ATAD3B: variants seen among roughly 807,000 people sequenced by gnomAD.
ATAD3B encodes ATPase family AAA domain-containing protein 3B.
Under a neutral mutation model 70.2 loss-of-function variants are expected in ATAD3B, and 59 were observed. That is an observed-to-expected ratio of 0.84 (90% CI 0.68 to 1.04). ATAD3B has a LOEUF of 1.04. Among genes scored for constraint, ATAD3B ranks in the 50% least tolerant of loss-of-function variants. The pLI is 0.00. For missense variants in ATAD3B, 961 were observed against 913.4 expected (o/e 1.05, Z -0.67); for synonymous variants, 423 against 388.6 (o/e 1.09, Z -1.04).
At position 1,486,524 on chromosome 1, in the gene ATAD3B, C is replaced by T; in HGVS notation, c.1090-20C>T. On this transcript the variant is annotated intron_variant, in intron 10 of 15. Coordinates refer to ENST00000673477, the MANE Select transcript of ATAD3B (RefSeq NM_031921.6). ...GCAGAGGGAACATCTGTTCTGTCTC[C>T]CCTCACTCTTCTTGTCCAGAAACTC... The T allele has an allele frequency of 1.9e-6, 3 of 1,611,846 alleles. No individual in the cohort carries two copies. The highest frequency in any genetic ancestry group is 2.2e-5 in the South Asian group (2 of 91,020).
In ATAD3B at chr1:1,482,257, C is replaced by T. The variant is rs368728418; in HGVS notation, c.634C>T (p.Arg212Cys). ...ENADIIREQI[R>C]LKASEHRQTV... ...TGCAGACATCATCCGCGAGCAGATCCGCCTGAAGGCGTCCGAGCACCGTCA... is the reference window on the plus strand; with the variant it reads ...TGCAGACATCATCCGCGAGCAGATCTGCCTGAAGGCGTCCGAGCACCGTCA... Residue 212 changes from arginine (R) to cysteine (C), a missense_variant, in exon 6 of 16, where the codon CGC (arginine) becomes TGC (cysteine). Physicochemically the swap from Arg to Cys is radical, Grantham distance 180 (BLOSUM62 -3). Transcript: ENST00000673477. 46 of 1,611,124 alleles carry T rather than the reference C, an allele frequency of 2.9e-5. 2 individuals are homozygous for T. Among genetic ancestry groups the T allele is most frequent in the Admixed American group, 8.3e-5 (5 of 59,916 alleles).
chr1:1,502,595 TCC>T (rs1640969356), downstream of ATAD3B, among the ~76,000 whole-genome samples: 1 of 139,654 alleles, frequency 7.2e-6, no homozygotes, highest in Non-Finnish European at 1.5e-5. Context: ...CACTGCAACC[TCC>T]GCCTCCCGGG....
chr1:1,506,744 C>T, the ATAD3B span, among the ~76,000 whole-genome samples: 29 of 150,036 alleles, frequency 1.9e-4, no homozygotes, highest in Admixed American at 1.5e-3. Context: ...GCTGATGTCA[C>T]GGGGTTGTTT....
At chr1:1,503,850 C>T in the ATAD3B span, among the ~76,000 whole-genome samples, 3 of 152,020 alleles carry the variant, frequency 2.0e-5, no homozygotes, top group African/African-American at 7.2e-5. Flanking sequence ...GCCGCAGAGC[C>T]TCCCGAGAGG....
chr1:1,477,996 G>A lies in ATAD3B; in HGVS notation c.282+646G>A, dbSNP rs1325790940. The A allele has an allele frequency of 3.1e-5, 5 of 161,036 alleles. No homozygotes were observed. The East Asian group carries it at 9.1e-4, about 29-fold the overall frequency. The allele number at this position is 161,036 out of a possible 1,614,324, so 10.0% of individuals were successfully genotyped here. A position where few individuals can be genotyped will look rare whatever the true frequency, so the allele number is the denominator to read the frequency against. Reference sequence around the variant, plus strand: ...TGGGATTACAGGCACGCGCCACCACGCCTGGCCTATTTTATTTTATTTTGA... The same window carrying A: ...TGGGATTACAGGCACGCGCCACCACACCTGGCCTATTTTATTTTATTTTGA... On this transcript the variant is annotated intron_variant, in intron 2 of 15. Coordinates refer to ENST00000673477, the MANE Select transcript of ATAD3B (RefSeq NM_031921.6).
At chr1:1,502,506 C>CCT (rs1379870850), downstream of ATAD3B, among the ~76,000 whole-genome samples, 693 of 113,654 alleles carry the variant, frequency 6.1e-3, 107 homozygotes, top group African/African-American at 0.027. Flanking sequence ...CCGTGCCCAG[C>CCT]ATTTTTTTTT....
At position 1,497,590 on chromosome 1, in the gene ATAD3B, G is replaced by A. The variant is rs1640831003; in HGVS notation, c.*1773G>A. 6.6e-6 allele frequency: 1 copy of A among 151,628 alleles called. No individual in the cohort carries two copies. The highest frequency in any genetic ancestry group is 1.5e-5 in the Non-Finnish European group (1 of 68,018). 9.4% of individuals were successfully genotyped at this position (151,628 alleles called of 1,614,324 possible). On this transcript the variant is annotated 3_prime_UTR_variant, in exon 16 of 16. Transcript: ENST00000673477. ...TTTAAAATTAAGCCAGGTTAGACTG[G>A]GCTAGGTGGCTCACGCCTGTAATCC... is the stretch of plus-strand genomic sequence containing the variant.
rs565735998 is a variant in ATAD3B at position 1,490,361 on chromosome 1, G to A, written c.1442G>A (p.Arg481Gln). 17 of 1,613,448 alleles carry A rather than the reference G, an allele frequency of 1.1e-5. 1 individual carries two copies. The highest frequency in any genetic ancestry group is 3.3e-5 in the South Asian group (3 of 91,032). Residue 481 changes from arginine (R) to glutamine (Q), a missense_variant, in exon 14 of 16, where the codon CGG (arginine) becomes CAG (glutamine). By Grantham distance (43) the Arg-to-Gln change is conservative. Coordinates refer to ENST00000673477, the MANE Select transcript of ATAD3B (RefSeq NM_031921.6). ...TTCGACCTGCCGCAGCAGGAGGAGC[G>A]GGAGCGCCTGGTGAGACTGCATTTT... ...VHFDLPQQEE[R>Q]ERLVRLHFDN...
rs140220636 is a variant in ATAD3B at position 1,494,591 on chromosome 1, C to T, written c.1615-894C>T. On this transcript the variant is annotated intron_variant, in intron 15 of 15. Coordinates refer to ENST00000673477, the MANE Select transcript of ATAD3B (RefSeq NM_031921.6). ...ACAGTGGCTCTTGGCGAGGGGTGGG[C>T]GCTGGCAGAGGGGACGGGCACCACG... 1.3e-3 allele frequency among the ~76,000 whole-genome samples: 196 copies of T among 151,928 alleles called. 4 individuals carry two copies. The East Asian group carries it at 0.015, about 11-fold the overall frequency.
Position 1,477,339 on chromosome 1 carries a change from T to C in ATAD3B, c.271T>C (p.Ser91Pro), listed in dbSNP as rs756031789. The C allele has an allele frequency of 2.5e-6, 4 of 1,612,118 alleles. No homozygotes were observed. Among genetic ancestry groups the C allele is most frequent in the Non-Finnish European group, 3.4e-6 (4 of 1,179,684 alleles). ...GCAGACGCTGCAGTTGGAGCAACAG[T>C]CCAAGCTCAAAGTGAGTGGGGCCGG... ...QEQTLQLEQQ[S>P]KLKEYEAAVE... The change falls in exon 2 of 16, where the codon TCC becomes CCC. Residue 91 changes from serine to proline, a missense_variant. Coordinates refer to ENST00000673477, the MANE Select transcript of ATAD3B (RefSeq NM_031921.6).
chr1:1,479,442 A>C (rs1639780985), intron 4 of ATAD3B, among the ~76,000 whole-genome samples: 1 of 139,416 alleles, frequency 7.2e-6, no homozygotes, highest in Non-Finnish European at 1.5e-5. Flanking sequence ...TCCCCTGCAC[A>C]CATGGGGAAA....
chr1:1,493,130 A>G (rs1640620583), intron 15 of ATAD3B, among the ~76,000 whole-genome samples: 1 of 151,906 alleles, frequency 6.6e-6, no homozygotes, highest in South Asian at 2.1e-4. Context: ...GATAACAGTA[A>G]TAATTTGGCT....
intron 8 of ATAD3B, among the ~76,000 whole-genome samples, chr1:1,485,383 T>C (rs1049923929): frequency 9.2e-5 from 14 of 152,206 alleles, no homozygotes; most frequent in African/African-American, 3.4e-4. Flanking sequence ...CGGTGTCCCT[T>C]GCTCAGGGCT....
downstream of ATAD3B, among the ~76,000 whole-genome samples, chr1:1,498,264 T>C (rs953578359): frequency 1.3e-5 from 2 of 151,382 alleles, no homozygotes; most frequent in Non-Finnish European, 2.9e-5. Context: ...GACCCCGCCA[T>C]TGCACTCCAG....
At chr1:1,477,416 G>T (rs1639649832) in intron 2 of ATAD3B, 66 bp downstream of exon 2, 1 of 1,607,094 alleles carries the variant, frequency 6.2e-7, no homozygotes, top group South Asian at 1.1e-5. Flanking sequence ...GAGATTGGTG[G>T]GGCTGCTACT....
chr1:1,481,919 A>G (rs879513471), intron 5 of ATAD3B, among the ~76,000 whole-genome samples: 1 of 150,442 alleles, frequency 6.6e-6, no homozygotes, highest in African/African-American at 2.5e-5. Flanking sequence ...GGGCCGGTCC[A>G]CGGCATGGGC....
chr1:1,482,874 C>T (rs985675733), intron 7 of ATAD3B, among the ~76,000 whole-genome samples: 3 of 151,858 alleles, frequency 2.0e-5, no homozygotes, highest in Non-Finnish European at 1.5e-5. Flanking sequence ...GTGATGGTGG[C>T]GCCTGTGGTC....
At chr1:1,474,236 G>C (rs550614635) in intron 1 of ATAD3B, among the ~76,000 whole-genome samples, 1 of 150,994 alleles carries the variant, frequency 6.6e-6, no homozygotes, top group Non-Finnish European at 1.5e-5. Context: ...TGTCGCCCAG[G>C]CTGGAGTGCA....
intron 7 of ATAD3B, chr1:1,483,454 C>G (rs570648101): frequency 3.0e-5 from 6 of 197,268 alleles, no homozygotes; most frequent in African/African-American, 1.4e-4. Context: ...GGAAGAAGAG[C>G]GAAACTCTGT....
Sources: gnomAD v4.1 joint callset for allele counts (sites outside exome capture counted in the v4.1 genomes callset) on GRCh38, gnomAD v4.1.1 for gene constraint, MANE v1.5 for transcripts, NCBI Gene and HGNC (gene_info 2026-07-23, HGNC 2026-07-21) for gene names.